Variants in HMCN1 observed in about 807,000 individuals in gnomAD.
HMCN1 encodes the protein hemicentin-1.
HMCN1 carries 321 observed loss-of-function variants against 625.9 expected under a neutral mutation model. The observed-to-expected ratio is 0.51, with a 90% confidence interval of 0.47 to 0.56. HMCN1 has a LOEUF of 0.56. Ranked by LOEUF, HMCN1 falls within the 20% of genes least tolerant of loss-of-function variation. The probability of loss-of-function intolerance (pLI) is 0.00; values close to 1 mark genes in which losing one functional copy is unlikely to be tolerated. For synonymous variants in HMCN1, 2,425 were observed against 2,417.6 expected, an observed-to-expected ratio of 1.00 and a Z score of -0.09; for missense variants, 6,588 against 6,887.3, an observed-to-expected ratio of 0.96 and a Z score of 1.54.
At chr1:186,161,336 C>A (rs1232874901) in intron 97 of HMCN1, among the ~76,000 whole-genome samples, 1 of 151,430 alleles carries the variant, frequency 6.6e-6, no homozygotes, top group Non-Finnish European at 1.5e-5. Context: ...GATGGGTTTC[C>A]TGAATACAAC....
At chr1:185,943,370 A>G in intron 11 of HMCN1, among the ~76,000 whole-genome samples, 1 of 152,242 alleles carries the variant, frequency 6.6e-6, no homozygotes, top group East Asian at 1.9e-4. Context: ...CCAGGTAGAT[A>G]GTGTCAGAAC....
At chr1:186,168,409 T>C (rs991299152) in intron 100 of HMCN1, among the ~76,000 whole-genome samples, 7 of 150,232 alleles carry the variant, frequency 4.7e-5, no homozygotes, top group African/African-American at 1.7e-4. Flanking sequence ...GCTGAGATCA[T>C]GCCATTGCAC....
At chr1:185,783,925 G>T (rs765541717) in intron 1 of HMCN1, among the ~76,000 whole-genome samples, 2 of 152,224 alleles carry the variant, frequency 1.3e-5, no homozygotes, top group Non-Finnish European at 2.9e-5. Context: ...CTTTTGTTCA[G>T]CTATGCCCTG....
At chr1:185,845,731 G>A (rs1661771486) in intron 1 of HMCN1, among the ~76,000 whole-genome samples, 1 of 152,126 alleles carries the variant, frequency 6.6e-6, no homozygotes, top group South Asian at 2.1e-4. Flanking sequence ...AATATTTACT[G>A]ACGAGAATAA....
Position 186,087,324 on chromosome 1 carries a change from G to A in HMCN1, c.9154G>A (p.Val3052Ile). Reference protein sequence around the residue: ...GESKKKFSLTVYVPPSIKDHD... With the variant: ...GESKKKFSLTIYVPPSIKDHD... ...AAGCAAGAAAAAGTTTTCCCTGACT[G>A]TTTATGGTTCGTTTTTACTCTCTTC... Residue 3052 changes from valine to isoleucine, a missense_variant, in exon 59 of 107, where the codon GTT becomes ATT. Val to Ile is a conservative substitution (Grantham distance 29). Transcript: ENST00000271588. The A allele has an allele frequency of 6.2e-7, 1 of 1,611,448 alleles. No homozygotes were observed. Among genetic ancestry groups the A allele is most frequent in the Non-Finnish European group, 8.5e-7 (1 of 1,177,902 alleles).
chr1:186,064,557 C>T (rs1012525992), intron 48 of HMCN1, among the ~76,000 whole-genome samples: 3 of 151,864 alleles, frequency 2.0e-5, no homozygotes, highest in African/African-American at 7.3e-5. Flanking sequence ...CGCCTGTAAT[C>T]CCAGCACTTT....
intron 69 of HMCN1, 60 bp downstream of exon 69, chr1:186,103,728 T>A: frequency 7.2e-7 from 1 of 1,394,456 alleles, no homozygotes; most frequent in Non-Finnish European, 1.0e-6. Flanking sequence ...CTTGCTAATA[T>A]ATGAGATTTG....
Position 186,189,632 on chromosome 1 carries a change from G to A in HMCN1, c.16662G>A (p.Leu5554=). Residue 5554 remains leucine (L), a synonymous_variant, in exon 107 of 107, where the codon CTG becomes CTA. Coordinates refer to ENST00000271588, the MANE Select transcript of HMCN1 (RefSeq NM_031935.3). ...CCACCAATCAAGATTTAATCCGGCT[G>A]GTTGCATACACACAGGATGGAGTGA... ...GIATNQDLIR[L]VAYTQDGVMH... The A allele has an allele frequency of 6.2e-7, 1 of 1,612,656 alleles. No individual in the cohort carries two copies. The highest frequency in any genetic ancestry group is 8.5e-7 in the Non-Finnish European group (1 of 1,179,262).
intron 4 of HMCN1, among the ~76,000 whole-genome samples, chr1:185,892,996 G>A (rs545125397): frequency 3.5e-4 from 53 of 152,312 alleles, no homozygotes; most frequent in African/African-American, 1.3e-3. Context: ...AGCCAGGTGC[G>A]GGATATAATC....
chr1:185,796,338 G>A (rs889934641), intron 1 of HMCN1, among the ~76,000 whole-genome samples: 2 of 152,102 alleles, frequency 1.3e-5, no homozygotes, highest in African/African-American at 2.4e-5. Context: ...AAGAGGCCAC[G>A]GACTGGTATG....
At chr1:186,097,021 A>G (rs1660168428) in intron 68 of HMCN1, among the ~76,000 whole-genome samples, 1 of 152,166 alleles carries the variant, frequency 6.6e-6, no homozygotes, top group African/African-American at 2.4e-5. Context: ...TATTAGACAT[A>G]GTATTGAAGT....
chr1:186,150,419 G>C (rs917490595), intron 93 of HMCN1, among the ~76,000 whole-genome samples: 2 of 152,050 alleles, frequency 1.3e-5, no homozygotes, highest in South Asian at 2.1e-4. Flanking sequence ...TAATGTTGAG[G>C]CCCTTTTTTA....
intron 6 of HMCN1, among the ~76,000 whole-genome samples, chr1:185,916,048 G>A (rs903682354): frequency 4.0e-5 from 6 of 149,428 alleles, no homozygotes; most frequent in African/African-American, 1.5e-4. Flanking sequence ...GTATATGTGT[G>A]TGCATATGCG....
chr1:185,812,445 T>C (rs1191068343), intron 1 of HMCN1, among the ~76,000 whole-genome samples: 2 of 152,156 alleles, frequency 1.3e-5, no homozygotes, highest in East Asian at 1.9e-4. Context: ...CTAAGAAAAA[T>C]TAAATGGATT....
intron 4 of HMCN1, among the ~76,000 whole-genome samples, chr1:185,873,776 G>A (rs1361982967): frequency 1.6e-4 from 24 of 151,972 alleles, no homozygotes; most frequent in Admixed American, 1.6e-3. Flanking sequence ...ATGTAATTGA[G>A]AGGAAAACAC....
chr1:186,091,036 A>C, intron 64 of HMCN1, 119 bp downstream of exon 64: 1 of 1,190,168 alleles, frequency 8.4e-7, no homozygotes, highest in South Asian at 1.4e-5. Context: ...AGCTATCATT[A>C]TATTCACAAA....
intron 19 of HMCN1, among the ~76,000 whole-genome samples, chr1:185,984,525 G>C (rs1480305504): frequency 6.6e-6 from 1 of 152,174 alleles, no homozygotes; most frequent in Non-Finnish European, 1.5e-5. Context: ...GTCACCAGCT[G>C]AGTCTGGCCA....
chr1:186,188,942 A>G (rs1653532165), intron 106 of HMCN1, among the ~76,000 whole-genome samples: 2 of 152,206 alleles, frequency 1.3e-5, no homozygotes, highest in Admixed American at 6.5e-5. Context: ...TTTAAAAGTC[A>G]TCATGACTCA....
intron 1 of HMCN1, among the ~76,000 whole-genome samples, chr1:185,785,971 C>A (rs1350258445): frequency 6.6e-6 from 1 of 152,130 alleles, no homozygotes; most frequent in Non-Finnish European, 1.5e-5. Flanking sequence ...AATTGGGTGA[C>A]CTGGTACCTA....
Sources: allele counts gnomAD v4.1 joint callset (sites outside exome capture counted in the v4.1 genomes callset), GRCh38; gene constraint gnomAD v4.1.1; transcripts MANE v1.5; gene names NCBI Gene and HGNC (gene_info 2026-07-23, HGNC 2026-07-21).